WAPL: variants seen among roughly 807,000 people sequenced by gnomAD.
WAPL encodes the protein WAPL cohesin release factor.
WAPL carries 5 observed loss-of-function variants against 121.0 expected under a neutral mutation model. The ratio of observed to expected loss-of-function variants is 0.04; its 90% CI spans 0.02 to 0.09. WAPL has a LOEUF of 0.09. Among genes scored for constraint, WAPL ranks in the 10% least tolerant of loss-of-function variants. The pLI is 1.00. For synonymous variants in WAPL, 480 were observed against 481.5 expected, an observed-to-expected ratio of 1.00 and a Z score of 0.04; for missense variants, 999 against 1,410.8, an observed-to-expected ratio of 0.71 and a Z score of 4.68.
At chr10:86,511,387 T>C (rs1842461335) in intron 2 of WAPL, among the ~76,000 whole-genome samples, 1 of 152,208 alleles carries the variant, frequency 6.6e-6, no homozygotes, top group Non-Finnish European at 1.5e-5. Context: ...ATTTCCAACA[T>C]CAAGATAAAA....
intron 2 of WAPL, among the ~76,000 whole-genome samples, chr10:86,509,491 C>T (rs1469412820): frequency 6.6e-6 from 1 of 152,218 alleles, no homozygotes; most frequent in Non-Finnish European, 1.5e-5. Context: ...TAGAGTGCTA[C>T]ACTCCCGCAC....
rs766302928 is a variant in WAPL at position 86,521,630 on chromosome 10, A to G, written c.-288T>C. 1.1e-4 allele frequency: 49 copies of G among 459,350 alleles called. No individual in the cohort carries two copies. The highest frequency in any genetic ancestry group is 1.5e-4 in the Non-Finnish European group (33 of 223,052). 28.5% of individuals were successfully genotyped at this position (459,350 alleles called of 1,614,324 possible). On this transcript the variant is annotated 5_prime_UTR_variant, in exon 1 of 19. Coordinates refer to ENST00000298767, the MANE Select transcript of WAPL (RefSeq NM_015045.5). ...GGCCGCCACTGCTGGAGCTGGTAACAGAGCCTGCTGTGTGCCCCCGCTGGG... is the reference window on the plus strand; with the variant it reads ...GGCCGCCACTGCTGGAGCTGGTAACGGAGCCTGCTGTGTGCCCCCGCTGGG...
At position 86,445,274 on chromosome 10, in the gene WAPL, TTATAC is replaced by T. The variant is rs546110706; in HGVS notation, c.3322+963_3322+967del. 6.0e-3 allele frequency among the ~76,000 whole-genome samples: 916 copies of T among 152,350 alleles called. 5 individuals are homozygous for T. The highest frequency in any genetic ancestry group is 0.027 in the Middle Eastern group (8 of 294). On this transcript the variant is annotated intron_variant, in intron 16 of 18. Transcript: ENST00000298767. ...AATGTAAATGTTATGTAAATAGCTG[TTATAC>T]TATATTATTTACTAACCTGTATTAT...
At chr10:86,485,858 C>T (rs1377193068) in intron 4 of WAPL, among the ~76,000 whole-genome samples, 2 of 152,076 alleles carry the variant, frequency 1.3e-5, no homozygotes, top group African/African-American at 4.8e-5. Flanking sequence ...TTTTGTATCC[C>T]TAGCACAGTG....
At chr10:86,469,225 G>A (rs183503506) in intron 8 of WAPL, among the ~76,000 whole-genome samples, 3 of 18,752 alleles carry the variant, frequency 1.6e-4, no homozygotes, top group Admixed American at 1.4e-3. Context: ...AAACAATCAA[G>A]TCTGGTTGAA....
intron 4 of WAPL, among the ~76,000 whole-genome samples, chr10:86,476,087 C>T (rs1030274753): frequency 3.9e-5 from 6 of 152,224 alleles, no homozygotes; most frequent in Admixed American, 2.6e-4. Context: ...CTGACTAGGC[C>T]GGGCACGGTG....
chr10:86,518,417 A>G (rs570774577), intron 1 of WAPL, among the ~76,000 whole-genome samples: 2 of 152,362 alleles, frequency 1.3e-5, no homozygotes, highest in South Asian at 4.1e-4. Flanking sequence ...TTAATTTACT[A>G]TTCTTATAAA....
chr10:86,454,695 T>C (rs1243258535), intron 12 of WAPL, among the ~76,000 whole-genome samples: 2 of 145,184 alleles, frequency 1.4e-5, no homozygotes, highest in Admixed American at 6.8e-5. Flanking sequence ...TGGCCGCCCA[T>C]CGTCTGGGAT....
At chr10:86,514,010 AT>A (rs1338543137) in intron 2 of WAPL, among the ~76,000 whole-genome samples, 1 of 152,226 alleles carries the variant, frequency 6.6e-6, no homozygotes, top group East Asian at 1.9e-4. Flanking sequence ...AAACTTTATC[AT>A]TCTCAGAAGG....
intron 9 of WAPL, among the ~76,000 whole-genome samples, chr10:86,466,128 C>T (rs1841390507): frequency 6.6e-6 from 1 of 152,100 alleles, no homozygotes; most frequent in South Asian, 2.1e-4. Flanking sequence ...TAAGAGCAGC[C>T]ACTGGCCATG....
chr10:86,493,329 TAATAA>T (rs1255834590), intron 4 of WAPL, among the ~76,000 whole-genome samples: 1 of 151,942 alleles, frequency 6.6e-6, no homozygotes, highest in Non-Finnish European at 1.5e-5. Context: ...TATATATATT[TAATAA>T]AATAAACTTT....
At chr10:86,439,222 C>CA (rs1849402543) in intron 17 of WAPL, among the ~76,000 whole-genome samples, 1 of 151,808 alleles carries the variant, frequency 6.6e-6, no homozygotes, top group Admixed American at 6.6e-5. Flanking sequence ...TAGAAAGCAG[C>CA]AAAAAAATGA....
chr10:86,445,080 G>A (rs531665984), intron 16 of WAPL, among the ~76,000 whole-genome samples: 5 of 152,066 alleles, frequency 3.3e-5, no homozygotes, highest in East Asian at 3.9e-4. Context: ...ACATATGGTC[G>A]TCCCTCTGCA....
At chr10:86,474,697 A>G (rs939047836) in intron 4 of WAPL, among the ~76,000 whole-genome samples, 2 of 152,138 alleles carry the variant, frequency 1.3e-5, no homozygotes, top group African/African-American at 4.8e-5. Context: ...GTTCAAGACC[A>G]ACCTGGGTGA....
chr10:86,488,565 T>A (rs1287824597), intron 4 of WAPL: 4 of 152,138 alleles, frequency 2.6e-5, no homozygotes, highest in African/African-American at 9.7e-5. Context: ...AGAATGTAAG[T>A]AAGAAAATGC....
intron 16 of WAPL, among the ~76,000 whole-genome samples, chr10:86,444,908 A>AAAAG (rs1849567964): frequency 6.6e-6 from 1 of 151,252 alleles, no homozygotes; most frequent in South Asian, 2.1e-4. Context: ...AAAAAAAAAA[A>AAAAG]AAAAGAAATG....
chr10:86,462,618 G>A (rs1841309165), intron 9 of WAPL, among the ~76,000 whole-genome samples: 1 of 151,296 alleles, frequency 6.6e-6, no homozygotes, highest in Non-Finnish European at 1.5e-5. Flanking sequence ...TACTCGGGAG[G>A]CTGAGGCAGG....
chr10:86,491,895 A>T (rs1842055600), intron 4 of WAPL, among the ~76,000 whole-genome samples: 1 of 152,202 alleles, frequency 6.6e-6, no homozygotes, highest in South Asian at 2.1e-4. Flanking sequence ...GAGCACCTAC[A>T]ATCTACTCTC....
intron 4 of WAPL, among the ~76,000 whole-genome samples, chr10:86,487,971 C>T (rs1041778267): frequency 3.9e-5 from 6 of 152,240 alleles, no homozygotes; most frequent in African/African-American, 1.4e-4. Context: ...GAAGGGGGAC[C>T]TCTTGGCCAG....
Sources: allele counts gnomAD v4.1 joint callset (sites outside exome capture counted in the v4.1 genomes callset), GRCh38; gene constraint gnomAD v4.1.1; transcripts MANE v1.5; gene names NCBI Gene and HGNC (gene_info 2026-07-23, HGNC 2026-07-21).